Variants in PRSS23 observed in about 807,000 individuals in gnomAD.
The protein encoded by PRSS23 is serine protease 23, also known as protease, serine 23.
In PRSS23, 25 loss-of-function variants were observed where a neutral mutation model predicts 34.7. That is an observed-to-expected ratio of 0.72 (90% confidence interval 0.53 to 1.01). The LOEUF (loss-of-function observed/expected upper bound fraction) is 1.01, where lower values mean the gene tolerates loss of function less well. Ranked by LOEUF, PRSS23 falls within the 50% of genes least tolerant of loss-of-function variation. The pLI, the probability that PRSS23 is intolerant of heterozygous loss-of-function variation, is 0.00. For missense variants in PRSS23, 445 were observed against 475.6 expected (o/e 0.94, Z 0.60); for synonymous variants, 176 against 186.6 (o/e 0.94, Z 0.46).
intron 2 of PRSS23, among the ~76,000 whole-genome samples, chr11:86,858,886 GA>G (rs1024079055): frequency 2.0e-5 from 3 of 150,980 alleles, no homozygotes; most frequent in African/African-American, 7.3e-5. Context: ...CACCCCCTGT[GA>G]TATTGTTCCT....
intron 2 of PRSS23, chr11:86,934,422 C>G (rs1334247109): frequency 6.6e-6 from 1 of 152,034 alleles, no homozygotes; most frequent in Non-Finnish European, 1.5e-5. Flanking sequence ...GCTCCCTCAT[C>G]ATACCTCCCT....
downstream of PRSS23, among the ~76,000 whole-genome samples, chr11:86,816,157 A>G (rs1326887795): frequency 1.3e-5 from 2 of 152,292 alleles, no homozygotes; most frequent in African/African-American, 4.8e-5. Flanking sequence ...ACCTTCTGTC[A>G]TTGCTCAAGC....
At chr11:86,921,621 G>A (rs1949047753) in intron 2 of PRSS23, 1 of 152,024 alleles carries the variant, frequency 6.6e-6, no homozygotes, top group South Asian at 2.1e-4. Context: ...ATCTACTCTT[G>A]CCCAGTGGGA....
At chr11:86,862,660 G>A (rs1156231305) in intron 2 of PRSS23, among the ~76,000 whole-genome samples, 2 of 151,576 alleles carry the variant, frequency 1.3e-5, no homozygotes, top group Non-Finnish European at 2.9e-5. Flanking sequence ...TGACACAGGG[G>A]GTGTACACCC....
Position 86,911,647 on chromosome 11 carries a change from T to C in PRSS23, c.207-39569T>C, listed in dbSNP as rs2134993958. ...TGCATCCATGTGGCTATGACATGAT[T>C]TCATTCTTTTTCACATCACATCACT... On this transcript the variant is annotated intron_variant, in intron 2 of 2. Transcript: ENST00000533902. The C allele has an allele frequency of 2.0e-5, 3 of 152,316 alleles. 1 individual carries two copies. In the Middle Eastern group the frequency reaches 0.01, roughly 515 times the overall value. The allele number at this position is 152,316 out of a possible 1,614,324, so 9.4% of individuals were successfully genotyped here. A position where few individuals can be genotyped will look rare whatever the true frequency, so the allele number is the denominator to read the frequency against.
At chr11:86,929,087 C>A (rs375767510) in intron 2 of PRSS23, among the ~76,000 whole-genome samples, 1 of 151,966 alleles carries the variant, frequency 6.6e-6, no homozygotes, top group Non-Finnish European at 1.5e-5. Context: ...TTTGGGAGGC[C>A]GAGGTGGGCA....
At chr11:86,906,799 C>T (rs1169143548) in intron 2 of PRSS23, among the ~76,000 whole-genome samples, 1 of 152,008 alleles carries the variant, frequency 6.6e-6, no homozygotes, top group Non-Finnish European at 1.5e-5. Flanking sequence ...ATTTTAGGTA[C>T]GTTATTTCAT....
intron 2 of PRSS23, among the ~76,000 whole-genome samples, chr11:86,883,929 A>G (rs752722752): frequency 6.6e-6 from 1 of 150,770 alleles, no homozygotes; most frequent in Non-Finnish European, 1.5e-5. Context: ...GCAGCCCAAA[A>G]TCGAACTAAC....
intron 2 of PRSS23, among the ~76,000 whole-genome samples, chr11:86,859,056 G>T (rs1045042429): frequency 2.0e-5 from 3 of 151,650 alleles, no homozygotes; most frequent in African/African-American, 4.9e-5. Context: ...GGGGAGAGAG[G>T]GTGATATTAC....
chr11:86,871,050 A>G (rs1440279776), intron 2 of PRSS23, among the ~76,000 whole-genome samples: 2 of 152,286 alleles, frequency 1.3e-5, no homozygotes, highest in African/African-American at 2.4e-5. Flanking sequence ...TTTCATATCT[A>G]GTAATTTTTT....
At chr11:86,869,896 G>A (rs532446035) in intron 2 of PRSS23, among the ~76,000 whole-genome samples, 4 of 152,258 alleles carry the variant, frequency 2.6e-5, no homozygotes, top group South Asian at 4.2e-4. Flanking sequence ...ACAGTACGTC[G>A]TCAGTAAATA....
At chr11:86,847,935 C>G (rs1948499925) in intron 2 of PRSS23, among the ~76,000 whole-genome samples, 1 of 152,138 alleles carries the variant, frequency 6.6e-6, no homozygotes, top group Non-Finnish European at 1.5e-5. Flanking sequence ...CCTCCATATT[C>G]AGGGCCTCTT....
intron 2 of PRSS23, among the ~76,000 whole-genome samples, chr11:86,827,028 C>T (rs1402726191): frequency 6.6e-6 from 1 of 152,078 alleles, no homozygotes; most frequent in Non-Finnish European, 1.5e-5. Flanking sequence ...AGGGAGGATT[C>T]CCTCTTTTTC....
chr11:86,948,771 T>A (rs1030732443), intron 2 of PRSS23: 2 of 152,440 alleles, frequency 1.3e-5, no homozygotes, highest in African/African-American at 4.8e-5. Context: ...GGCTTTCTGC[T>A]AGATGCTGCC....
At chr11:86,834,553 T>TTTTCCTTTCCTTTCCTTTCCTTTCC (rs71274421) in intron 2 of PRSS23, among the ~76,000 whole-genome samples, 33 of 81,008 alleles carry the variant, frequency 4.1e-4, no homozygotes, top group East Asian at 7.4e-4. Context: ...TTCCTTTCCT[T>TTTTCCTTTCCTTTCCTTTCCTTTCC]TTTCCTTTCC....
At chr11:86,863,536 A>C (rs1252843209) in intron 2 of PRSS23, among the ~76,000 whole-genome samples, 1 of 152,206 alleles carries the variant, frequency 6.6e-6, no homozygotes, top group Admixed American at 6.5e-5. Flanking sequence ...CCTCAGAACG[A>C]GAACCTTTAG....
chr11:86,943,551 G>C (rs1431575117), intron 2 of PRSS23, among the ~76,000 whole-genome samples: 2 of 151,988 alleles, frequency 1.3e-5, no homozygotes, highest in Non-Finnish European at 2.9e-5. Flanking sequence ...TTGAACCAGG[G>C]AGGCGGAGGT....
intron 2 of PRSS23, among the ~76,000 whole-genome samples, chr11:86,891,195 C>T (rs891992345): frequency 5.9e-5 from 9 of 152,114 alleles, no homozygotes; most frequent in African/African-American, 1.4e-4. Context: ...AGCAGAACAG[C>T]GAGGTAATTA....
rs761765284 is a variant in PRSS23, at chr11:86,808,150, T to C, written c.507T>C (p.His169=). The C allele has an allele frequency of 6.2e-7, 1 of 1,614,040 alleles. No individual in the cohort carries two copies. The highest frequency in any genetic ancestry group is 1.3e-5 in the African/African-American group (1 of 74,922). ...CCGGCACCCTGGTGGCAGAGAAGCA[T>C]GTCCTCACAGCTGCCCACTGCATAC... ...GCTGTLVAEK[H]VLTAAHCIHD... Residue 169 remains histidine, a synonymous_variant, in exon 2 of 2, where the codon CAT becomes CAC. Transcript: ENST00000280258.
Sources: allele counts gnomAD v4.1 joint callset (sites outside exome capture counted in the v4.1 genomes callset), GRCh38; gene constraint gnomAD v4.1.1; transcripts MANE v1.5; gene names NCBI Gene and HGNC (gene_info 2026-07-23, HGNC 2026-07-21).